ATG16L1: variants seen among roughly 807,000 people sequenced by gnomAD.
ATG16L1 encodes autophagy-related protein 16-1.
ATG16L1 carries 37 observed loss-of-function variants against 88.5 expected under a neutral mutation model. The ratio of observed to expected loss-of-function variants is 0.42; its 90% confidence interval spans 0.32 to 0.55. The LOEUF is 0.55. Among genes scored for constraint, ATG16L1 ranks in the 20% least tolerant of loss-of-function variants. The pLI is 0.13. For missense variants in ATG16L1, 554 were observed against 752.8 expected (o/e 0.74, Z 3.09); for synonymous variants, 301 against 281.0 (o/e 1.07, Z -0.71).
chr2:233,255,534 G>A (rs1696718631), intron 1 of ATG16L1, among the ~76,000 whole-genome samples: 1 of 152,164 alleles, frequency 6.6e-6, no homozygotes, highest in South Asian at 2.1e-4. Context: ...CCAGTAAGAA[G>A]TCTAAATTTC....
intron 12 of ATG16L1, among the ~76,000 whole-genome samples, chr2:233,289,095 C>G (rs947074838): frequency 6.6e-6 from 1 of 152,122 alleles, no homozygotes; most frequent in Non-Finnish European, 1.5e-5. Flanking sequence ...TTTAAAAATT[C>G]TTTAATTTGA....
At chr2:233,259,158 A>G (rs1697021614) in intron 2 of ATG16L1, among the ~76,000 whole-genome samples, 1 of 152,144 alleles carries the variant, frequency 6.6e-6, no homozygotes, top group African/African-American at 2.4e-5. Context: ...CCTTGAAAAC[A>G]GGGATTGGGG....
chr2:233,267,810 G>T (rs1424216459), intron 5 of ATG16L1, among the ~76,000 whole-genome samples: 1 of 151,738 alleles, frequency 6.6e-6, no homozygotes, highest in Non-Finnish European at 1.5e-5. Flanking sequence ...GAGCAGTGCA[G>T]TGGACGGGGG....
At chr2:233,274,381 C>T in intron 8 of ATG16L1, 1 of 428,516 alleles carries the variant, frequency 2.3e-6, no homozygotes, top group Non-Finnish European at 4.2e-6. Context: ...GAAAGTTTCC[C>T]AGCAGCTTAT....
intron 8 of ATG16L1, chr2:233,274,242 C>T: frequency 1.8e-6 from 1 of 567,846 alleles, no homozygotes; most frequent in Admixed American, 3.2e-5. Flanking sequence ...TTGTTGCTTT[C>T]TTTTGGCATG....
intron 7 of ATG16L1, 123 bp from the exon 8 acceptor site, chr2:233,273,598 G>T: frequency 1.1e-6 from 1 of 901,986 alleles, no homozygotes; most frequent in South Asian, 1.6e-5. Flanking sequence ...GTTTCTCTTG[G>T]CTGGGGTTTG....
intron 4 of ATG16L1, among the ~76,000 whole-genome samples, chr2:233,264,365 G>A (rs1697421441): frequency 6.6e-6 from 1 of 152,210 alleles, no homozygotes; most frequent in South Asian, 2.1e-4. Flanking sequence ...GTATGTTCCT[G>A]TGGTGGAGGT....
At chr2:233,283,170 G>A (rs1037659955) in intron 12 of ATG16L1, among the ~76,000 whole-genome samples, 80 of 152,256 alleles carry the variant, frequency 5.3e-4, no homozygotes, top group Middle Eastern at 3.4e-3. Flanking sequence ...AAAACTCCAA[G>A]CTGAGAAAGA....
chr2:233,262,136 T>C (rs1184637963), intron 2 of ATG16L1, among the ~76,000 whole-genome samples: 1 of 152,200 alleles, frequency 6.6e-6, no homozygotes, highest in Non-Finnish European at 1.5e-5. Flanking sequence ...AAAGCCTTGA[T>C]TCATCCTTGA....
chr2:233,254,581 G>A (rs571228053), intron 1 of ATG16L1, among the ~76,000 whole-genome samples: 1 of 152,280 alleles, frequency 6.6e-6, no homozygotes, highest in East Asian at 1.9e-4. Context: ...GGAACCTTTG[G>A]GAAGGACTCC....
Position 233,270,039 on chromosome 2 carries a change from G to A in ATG16L1, c.679G>A (p.Ala227Thr), listed in dbSNP as rs751553093. 6.3e-7 allele frequency: 1 copy of A among 1,587,894 alleles called. No individual in the cohort carries two copies. Among genetic ancestry groups the A allele is most frequent in the Non-Finnish European group, 8.5e-7 (1 of 1,170,226 alleles). The change falls in exon 6 of 18, where the codon GCA becomes ACA. Residue 227 changes from alanine to threonine, a missense_variant. This residue lies in a region of ATG16L1 where 370 missense variants were observed against 509.7 expected (regional missense o/e 0.73). Coordinates refer to ENST00000392017, the MANE Select transcript of ATG16L1 (RefSeq NM_030803.7). ...CCGGCTGCAGAAAGAGCTTGCAGAA[G>A]CAGCAAAGGAACCTCTACCAGTCGA... ...QARLQKELAE[A>T]AKEPLPVEQD...
chr2:233,290,880 G>A (rs558047502), intron 14 of ATG16L1, among the ~76,000 whole-genome samples: 1 of 152,330 alleles, frequency 6.6e-6, no homozygotes, highest in South Asian at 2.1e-4. Flanking sequence ...CCACAGGCTT[G>A]ATAAGCCATT....
intron 17 of ATG16L1, 104 bp downstream of exon 17, chr2:233,293,461 C>G: frequency 9.4e-7 from 1 of 1,058,598 alleles, no homozygotes; most frequent in Non-Finnish European, 1.4e-6. Flanking sequence ...TGTGAGGGCA[C>G]TGTCCGCCCA....
chr2:233,252,497 C>G (rs1299356417), intron 1 of ATG16L1, among the ~76,000 whole-genome samples: 1 of 152,088 alleles, frequency 6.6e-6, no homozygotes, highest in African/African-American at 2.4e-5. Context: ...ATCCTCCCAC[C>G]TAAGCCTCCC....
rs187668049 is a variant in ATG16L1, at chr2:233,289,704, C to G, written c.1204-150C>G. 607 of 1,050,066 alleles carry G rather than the reference C, an allele frequency of 5.8e-4. 1 individual carries two copies. Among genetic ancestry groups the G allele is most frequent in the Non-Finnish European group, 6.9e-4 (501 of 730,456 alleles). The allele number at this position is 1,050,066 out of a possible 1,614,324, so 65.0% of individuals were successfully genotyped here. A position where few individuals can be genotyped will look rare whatever the true frequency, so the allele number is the denominator to read the frequency against. On this transcript the variant is annotated intron_variant, in intron 12 of 17. Transcript: ENST00000392017. Reference sequence around the variant, plus strand: ...ACTGTGCCTGACCTGTTTCTTTTTCCTTTGCTGTCTTATCGCTTTGAGTGT... The same window carrying G: ...ACTGTGCCTGACCTGTTTCTTTTTCGTTTGCTGTCTTATCGCTTTGAGTGT...
Position 233,256,207 on chromosome 2 carries a change from C to T in ATG16L1, c.209+12C>T, listed in dbSNP as rs775906144. On this transcript the variant is annotated intron_variant, in intron 2 of 17. Transcript: ENST00000392017. Reference sequence around the variant, plus strand: ...AGGCACGAGATAAGGTATTTTGAAACTAACTTGTATTATTTATGTCTCCTC... The same window carrying T: ...AGGCACGAGATAAGGTATTTTGAAATTAACTTGTATTATTTATGTCTCCTC... The T allele has an allele frequency of 1.4e-5, 23 of 1,605,890 alleles. No homozygotes were observed. The highest frequency in any genetic ancestry group is 1.9e-5 in the Non-Finnish European group (22 of 1,173,116).
At chr2:233,268,374 G>T (rs1241798186) in intron 5 of ATG16L1, among the ~76,000 whole-genome samples, 1 of 152,172 alleles carries the variant, frequency 6.6e-6, no homozygotes, top group Non-Finnish European at 1.5e-5. Context: ...CAGGAGAATC[G>T]CTTGAACACA....
At chr2:233,265,179 T>G (rs750910237) in intron 5 of ATG16L1, 36 bp downstream of exon 5, 1 of 1,608,962 alleles carries the variant, frequency 6.2e-7, no homozygotes, top group Non-Finnish European at 8.5e-7. Context: ...GTTTCCATCC[T>G]TAGTAGAGTA....
At chr2:233,271,198 G>C (rs1398635819) in intron 6 of ATG16L1, among the ~76,000 whole-genome samples, 1 of 152,230 alleles carries the variant, frequency 6.6e-6, no homozygotes, top group Non-Finnish European at 1.5e-5. Context: ...TAGACAGGTT[G>C]AGCATCCTGC....
Sources: allele counts gnomAD v4.1 joint callset (sites outside exome capture counted in the v4.1 genomes callset), GRCh38; gene constraint gnomAD v4.1.1; regional missense constraint gnomAD v4.1.1; transcripts MANE v1.5; gene names NCBI Gene and HGNC (gene_info 2026-07-23, HGNC 2026-07-21).